Variants in SCN9A observed in about 807,000 individuals in gnomAD.
SCN9A encodes the protein sodium voltage-gated channel alpha subunit 9, also known as sodium channel protein type 9 subunit alpha.
SCN9A carries 131 observed loss-of-function variants against 187.0 expected under a neutral mutation model. That is an observed-to-expected ratio of 0.70 (90% CI 0.61 to 0.81). SCN9A has a LOEUF of 0.81. Ranked by LOEUF, SCN9A falls within the 30% of genes least tolerant of loss-of-function variation. SCN9A has a pLI of 0.00. For missense variants in SCN9A, 2,252 were observed against 2,396.6 expected (o/e 0.94, Z 1.26); for synonymous variants, 809 against 808.6 (o/e 1.00, Z -0.01).
intron 21 of SCN9A, 70 bp from the exon 22 acceptor site, chr2:166,229,042 G>T: frequency 8.1e-7 from 1 of 1,230,178 alleles, no homozygotes; most frequent in Non-Finnish European, 1.2e-6. Context: ...TGAAAGAAAT[G>T]CCATGCAGAC....
intron 21 of SCN9A, among the ~76,000 whole-genome samples, chr2:166,229,759 G>T (rs542184058): frequency 5.3e-5 from 8 of 152,204 alleles, no homozygotes; most frequent in African/African-American, 1.9e-4. Context: ...CTGCTTTTCA[G>T]CATTTGTACT....
At chr2:166,361,643 A>G (rs1158042001) in intron 1 of SCN9A, among the ~76,000 whole-genome samples, 2 of 152,180 alleles carry the variant, frequency 1.3e-5, no homozygotes, top group Non-Finnish European at 2.9e-5. Context: ...GAACCAAAGA[A>G]AAATAATAAA....
chr2:166,203,912 A>G (rs1284169768), intron 26 of SCN9A, 43 bp downstream of exon 26: 3 of 1,237,342 alleles, frequency 2.4e-6, no homozygotes, highest in Non-Finnish European at 3.4e-6. Context: ...AGTGAAGTTT[A>G]GCTTTACTCA....
intron 1 of SCN9A, among the ~76,000 whole-genome samples, chr2:166,320,066 A>G (rs578243189): frequency 1.3e-4 from 20 of 152,202 alleles, no homozygotes; most frequent in Admixed American, 7.9e-4. Context: ...TTAGAAAGTT[A>G]GAAAACATTA....
chr2:166,301,628 G>A (rs926543348), intron 7 of SCN9A: 8 of 150,794 alleles, frequency 5.3e-5, no homozygotes, highest in Non-Finnish European at 1.0e-4. Context: ...TCAGAAATAG[G>A]AGCAAGACTC....
intron 26 of SCN9A, among the ~76,000 whole-genome samples, chr2:166,200,232 C>T (rs1558941338): frequency 6.6e-6 from 1 of 150,902 alleles, no homozygotes. Context: ...CTCCTGACCT[C>T]GTGATCCGCC....
intron 1 of SCN9A, among the ~76,000 whole-genome samples, chr2:166,331,089 A>C (rs1490418673): frequency 2.0e-5 from 3 of 152,196 alleles, no homozygotes; most frequent in Non-Finnish European, 4.4e-5. Context: ...AAAATTAAAT[A>C]AGTTGTCTCT....
In SCN9A at chr2:166,281,823, A is replaced by T; in HGVS notation, c.1975-15T>A. The T allele has an allele frequency of 6.2e-7, 1 of 1,600,260 alleles. No individual in the cohort carries two copies. The highest frequency in any genetic ancestry group is 8.5e-7 in the Non-Finnish European group (1 of 1,174,000). On this transcript the variant is annotated splice_polypyrimidine_tract_variant and intron_variant, in intron 12 of 26. Coordinates refer to ENST00000642356, the MANE Select transcript of SCN9A (RefSeq NM_001365536.1). The stretch of plus-strand genomic sequence containing the variant: ...TTGGTCGTGCCCTAAAAAAAAAATC[A>T]ATTAATGTCTTAAGAACAGAATCCT...
chr2:166,330,980 CT>C (rs1346356018), intron 1 of SCN9A, among the ~76,000 whole-genome samples: 1 of 151,986 alleles, frequency 6.6e-6, no homozygotes, highest in Non-Finnish European at 1.5e-5. Context: ...GCTTATACAA[CT>C]GGGGGAGGAG....
At chr2:166,303,376 A>G in intron 6 of SCN9A, 74 bp from the exon 7 acceptor site, 2 of 1,197,444 alleles carry the variant, frequency 1.7e-6, no homozygotes, top group South Asian at 2.7e-5. Context: ...AAGCTTTCCT[A>G]GAAAGTCATG....
At chr2:166,213,823 G>A (rs543813269) in intron 24 of SCN9A, among the ~76,000 whole-genome samples, 2 of 152,212 alleles carry the variant, frequency 1.3e-5, no homozygotes, top group South Asian at 4.1e-4. Flanking sequence ...GTTCTCTCCA[G>A]AGAAACCCAG....
chr2:166,286,881 G>A (rs542418683), intron 10 of SCN9A, among the ~76,000 whole-genome samples: 3 of 152,080 alleles, frequency 2.0e-5, no homozygotes, highest in African/African-American at 2.4e-5. Flanking sequence ...TTACAGTAAA[G>A]ACAAATTAAA....
intron 11 of SCN9A, 86 bp downstream of exon 11, chr2:166,286,250 T>C: frequency 1.6e-6 from 2 of 1,272,350 alleles, no homozygotes; most frequent in Non-Finnish European, 2.2e-6. Context: ...CTCACTATCC[T>C]CTCCCGAGTT....
intron 1 of SCN9A, among the ~76,000 whole-genome samples, chr2:166,366,245 T>G (rs759736945): frequency 3.3e-5 from 5 of 152,238 alleles, no homozygotes; most frequent in Non-Finnish European, 5.9e-5. Flanking sequence ...TCTGCCAGTC[T>G]ACCTGTTAAG....
chr2:166,286,325 T>C lies in SCN9A; in HGVS notation c.1602+11A>G, dbSNP rs1323057387. On this transcript the variant is annotated intron_variant, in intron 11 of 26. Transcript: ENST00000642356. ...CCTCGGGTGATACACATTTAGCAAT[T>C]TGGGTGGTACCTGATTGGGGGTAGA... 2 of 1,596,102 alleles carry C rather than the reference T, an allele frequency of 1.3e-6. No individual in the cohort carries two copies. Among genetic ancestry groups the C allele is most frequent in the South Asian group, 1.2e-5 (1 of 86,708 alleles).
intron 1 of SCN9A, among the ~76,000 whole-genome samples, chr2:166,357,122 C>T (rs1247747985): frequency 2.0e-5 from 3 of 152,150 alleles, no homozygotes; most frequent in African/African-American, 7.2e-5. Context: ...CCACCCTCCA[C>T]CCTCCAATGG....
At chr2:166,245,431 A>T (rs1415426539) in intron 18 of SCN9A, among the ~76,000 whole-genome samples, 1 of 152,000 alleles carries the variant, frequency 6.6e-6, no homozygotes, top group Non-Finnish European at 1.5e-5. Context: ...GAAATGAGAG[A>T]TGAACAAGAA....
chr2:166,303,665 T>A (rs1173653888), intron 6 of SCN9A, among the ~76,000 whole-genome samples: 6 of 152,106 alleles, frequency 3.9e-5, no homozygotes, highest in Non-Finnish European at 8.8e-5. Context: ...TAATTTTCAA[T>A]AAAGAAATGG....
At chr2:166,210,518 C>A (rs1167131748) in intron 24 of SCN9A, among the ~76,000 whole-genome samples, 2 of 63,006 alleles carry the variant, frequency 3.2e-5, no homozygotes, top group African/African-American at 1.4e-4. Context: ...AAGATGGACA[C>A]CAAAAAAAAA....
Sources: gnomAD v4.1 joint callset for allele counts (sites outside exome capture counted in the v4.1 genomes callset) on GRCh38, gnomAD v4.1.1 for gene constraint, MANE v1.5 for transcripts, NCBI Gene and HGNC (gene_info 2026-07-23, HGNC 2026-07-21) for gene names.